CNTN3: variants seen among roughly 807,000 people sequenced by gnomAD.
CNTN3 encodes contactin-3.
CNTN3 carries 60 observed loss-of-function variants against 119.1 expected under a neutral mutation model. The ratio of observed to expected loss-of-function variants is 0.50; its 90% CI spans 0.41 to 0.62. CNTN3 has a LOEUF of 0.62. CNTN3 is among the 20% of genes least tolerant of loss of function. The probability of loss-of-function intolerance (pLI) is 0.00; values close to 1 mark genes in which losing one functional copy is unlikely to be tolerated. For missense variants in CNTN3, 1,101 were observed against 1,242.4 expected, an observed-to-expected ratio of 0.89 and a Z score of 1.71; for synonymous variants, 450 against 438.7, an observed-to-expected ratio of 1.03 and a Z score of -0.32.
intron 20 of CNTN3, among the ~76,000 whole-genome samples, chr3:74,269,511 A>G (rs1701727573): frequency 6.6e-6 from 1 of 152,164 alleles, no homozygotes; most frequent in Admixed American, 6.6e-5. Flanking sequence ...TAATTTACTT[A>G]ATCCTCATTA....
At chr3:74,389,205 TAAATC>T (rs975878841) in intron 5 of CNTN3, among the ~76,000 whole-genome samples, 2 of 152,192 alleles carry the variant, frequency 1.3e-5, no homozygotes, top group African/African-American at 4.8e-5. Context: ...TAAAGACAAT[TAAATC>T]AAATCACCTT....
At chr3:74,570,586 C>T (rs994739512) in intron 1 of CNTN3, among the ~76,000 whole-genome samples, 5 of 150,936 alleles carry the variant, frequency 3.3e-5, no homozygotes, top group African/African-American at 9.7e-5. Context: ...ACTGGCAGTG[C>T]CCTAGAGAAT....
chr3:74,332,022 T>C (rs151291871), intron 13 of CNTN3, among the ~76,000 whole-genome samples: 1 of 152,332 alleles, frequency 6.6e-6, no homozygotes, highest in East Asian at 1.9e-4. Context: ...TTCAAAGCTA[T>C]GAGTTGTATT....
chr3:74,300,665 T>A (rs1481193876), intron 16 of CNTN3, among the ~76,000 whole-genome samples: 1 of 152,182 alleles, frequency 6.6e-6, no homozygotes, highest in Non-Finnish European at 1.5e-5. Flanking sequence ...ATCATGAAAA[T>A]TACTGAAACA....
chr3:74,437,088 T>G (rs929803783), intron 4 of CNTN3, among the ~76,000 whole-genome samples: 3 of 152,142 alleles, frequency 2.0e-5, no homozygotes, highest in African/African-American at 7.2e-5. Flanking sequence ...CTATATCAAA[T>G]AAGAAAACCC....
At chr3:74,415,072 C>T (rs1420011289) in intron 5 of CNTN3, among the ~76,000 whole-genome samples, 1 of 151,944 alleles carries the variant, frequency 6.6e-6, no homozygotes, top group Non-Finnish European at 1.5e-5. Flanking sequence ...AGATTTAAAC[C>T]CCTGAGTTTC....
intron 3 of CNTN3, among the ~76,000 whole-genome samples, chr3:74,496,892 C>A (rs1039333410): frequency 6.6e-6 from 1 of 151,928 alleles, no homozygotes; most frequent in Admixed American, 6.6e-5. Context: ...ATTAAGAGTT[C>A]TTTTTACCTG....
At position 74,291,367 on chromosome 3, in the gene CNTN3, G is replaced by A. The variant is rs371138841; in HGVS notation, c.2517+3754C>T. Among the ~76,000 whole-genome samples, 47 of 152,270 alleles carry A rather than the reference G, an allele frequency of 3.1e-4. 1 individual carries two copies. Among genetic ancestry groups the A allele is most frequent in the South Asian group, 2.9e-3 (14 of 4,828 alleles). On this transcript the variant is annotated intron_variant, in intron 19 of 22. Coordinates refer to ENST00000263665, the MANE Select transcript of CNTN3 (RefSeq NM_020872.3). ...ATAGTGCCACAATAAACATACATGT[G>A]CATGTGTCTTTATAGCAGCATAACT...
At chr3:74,322,729 A>G (rs974468951) in intron 13 of CNTN3, among the ~76,000 whole-genome samples, 3 of 152,220 alleles carry the variant, frequency 2.0e-5, no homozygotes, top group African/African-American at 7.2e-5. Flanking sequence ...TTGCCAAAAC[A>G]TGGAAGCAAC....
intron 1 of CNTN3, among the ~76,000 whole-genome samples, chr3:74,587,889 G>C (rs569732142): frequency 2.6e-5 from 4 of 151,872 alleles, no homozygotes; most frequent in African/African-American, 7.3e-5. Context: ...CAAAGGGAAT[G>C]CTTCCAGCTT....
chr3:74,280,977 T>C (rs1365713745), intron 20 of CNTN3, among the ~76,000 whole-genome samples: 1 of 151,982 alleles, frequency 6.6e-6, no homozygotes, highest in Non-Finnish European at 1.5e-5. Context: ...GGGAGTGCAT[T>C]ATGTGGGTAT....
chr3:74,416,759 G>A (rs769287246), intron 5 of CNTN3, among the ~76,000 whole-genome samples: 4 of 152,072 alleles, frequency 2.6e-5, no homozygotes, highest in African/African-American at 4.8e-5. Context: ...AGGCCGAAGC[G>A]GTTGGATCAC....
chr3:74,467,984 T>C (rs957966076), intron 4 of CNTN3, among the ~76,000 whole-genome samples: 6 of 152,196 alleles, frequency 3.9e-5, no homozygotes, highest in Non-Finnish European at 8.8e-5. Flanking sequence ...AATGGCATTA[T>C]ATCGGAACAA....
intron 1 of CNTN3, among the ~76,000 whole-genome samples, chr3:74,576,145 T>C (rs1211505207): frequency 6.6e-6 from 1 of 152,180 alleles, no homozygotes; most frequent in Non-Finnish European, 1.5e-5. Context: ...CTTCCTTGTC[T>C]CTTTCCTCTC....
chr3:74,302,655 G>A (rs1182516038), intron 14 of CNTN3, 35 bp downstream of exon 14: 2 of 1,250,908 alleles, frequency 1.6e-6, no homozygotes, highest in Admixed American at 1.7e-5. Flanking sequence ...GTTAAGATGT[G>A]AAGTGACAAA....
At chr3:74,450,433 A>G (rs1702127495) in intron 4 of CNTN3, among the ~76,000 whole-genome samples, 1 of 151,700 alleles carries the variant, frequency 6.6e-6, no homozygotes, top group Non-Finnish European at 1.5e-5. Context: ...CTGCAGTGCT[A>G]TTTACAAAAG....
intron 4 of CNTN3, among the ~76,000 whole-genome samples, chr3:74,446,658 T>C (rs1702052601): frequency 6.7e-6 from 1 of 149,628 alleles, no homozygotes; most frequent in Admixed American, 6.8e-5. Context: ...TTAAATAAAA[T>C]ATATTATTCA....
chr3:74,596,090 C>T (rs1704804267), intron 1 of CNTN3, among the ~76,000 whole-genome samples: 1 of 152,056 alleles, frequency 6.6e-6, no homozygotes, highest in South Asian at 2.1e-4. Flanking sequence ...TTCACAATTG[C>T]TTCAAAGAGA....
intron 3 of CNTN3, among the ~76,000 whole-genome samples, chr3:74,499,199 C>A (rs1371531888): frequency 6.6e-6 from 1 of 151,780 alleles, no homozygotes; most frequent in African/African-American, 2.4e-5. Context: ...CTTCAAAAAT[C>A]ATTAAAATGA....
Sources: gnomAD v4.1 joint callset for allele counts (sites outside exome capture counted in the v4.1 genomes callset) on GRCh38, gnomAD v4.1.1 for gene constraint, MANE v1.5 for transcripts, NCBI Gene and HGNC (gene_info 2026-07-23, HGNC 2026-07-21) for gene names.